MYT1L: variants seen among roughly 807,000 people sequenced by gnomAD.
MYT1L encodes myelin transcription factor 1 like.
A neutral mutation model predicts 126.7 loss-of-function variants in MYT1L; 12 were observed. The ratio of observed to expected loss-of-function variants is 0.09; its 90% CI spans 0.06 to 0.15. The LOEUF (loss-of-function observed/expected upper bound fraction) is 0.15, where lower values mean the gene tolerates loss of function less well. Ranked by LOEUF, MYT1L falls within the 10% of genes least tolerant of loss-of-function variation. The probability of loss-of-function intolerance (pLI) is 1.00; values close to 1 mark genes in which losing one functional copy is unlikely to be tolerated. For synonymous variants in MYT1L, 541 were observed against 604.2 expected (o/e 0.90, Z 1.53); for missense variants, 979 against 1,585.2 (o/e 0.62, Z 6.49).
At chr2:2,045,048 C>T (rs2068011913) in intron 4 of MYT1L, among the ~76,000 whole-genome samples, 1 of 152,136 alleles carries the variant, frequency 6.6e-6, no homozygotes, top group Non-Finnish European at 1.5e-5. Flanking sequence ...GGAGCAATGG[C>T]AGTTTAAGTG....
At chr2:2,164,094 C>T (rs989249556) in intron 3 of MYT1L, among the ~76,000 whole-genome samples, 6 of 152,056 alleles carry the variant, frequency 3.9e-5, no homozygotes, top group South Asian at 4.2e-4. Context: ...AAATAGTGTA[C>T]GTAATTTAGC....
chr2:2,097,097 C>A (rs1282702247), intron 3 of MYT1L, among the ~76,000 whole-genome samples: 1 of 152,174 alleles, frequency 6.6e-6, no homozygotes, highest in Non-Finnish European at 1.5e-5. Flanking sequence ...GCCTCCCTCC[C>A]CAGCCTCTTC....
intron 2 of MYT1L, among the ~76,000 whole-genome samples, chr2:2,264,751 C>A (rs149518222): frequency 6.6e-6 from 1 of 152,092 alleles, no homozygotes; most frequent in South Asian, 2.1e-4. Context: ...TGAGTCCAAG[C>A]GGCCACGAAT....
intron 23 of MYT1L, among the ~76,000 whole-genome samples, chr2:1,794,870 A>T (rs1245636502): frequency 1.3e-5 from 2 of 152,240 alleles, no homozygotes; most frequent in Non-Finnish European, 2.9e-5. Context: ...CAGTTTGAAC[A>T]AACATCCCAT....
intron 2 of MYT1L, among the ~76,000 whole-genome samples, chr2:2,195,189 A>G (rs559215680): frequency 1.5e-4 from 23 of 152,318 alleles, no homozygotes; most frequent in African/African-American, 5.3e-4. Context: ...ATTGATACCA[A>G]AGAGTTTCAT....
At chr2:1,972,126 A>G (rs1005715085) in intron 8 of MYT1L, among the ~76,000 whole-genome samples, 3 of 152,192 alleles carry the variant, frequency 2.0e-5, no homozygotes, top group Admixed American at 1.3e-4. Context: ...TTCATGGAGT[A>G]AAGCACAGAT....
chr2:1,988,790 A>C (rs2061247006), intron 5 of MYT1L, among the ~76,000 whole-genome samples: 2 of 152,134 alleles, frequency 1.3e-5, no homozygotes, highest in South Asian at 2.1e-4. Flanking sequence ...CAGCCTCCCA[A>C]AGTGCTGTGA....
intron 1 of MYT1L, among the ~76,000 whole-genome samples, chr2:2,307,935 T>C (rs146125977): frequency 6.6e-6 from 1 of 151,338 alleles, no homozygotes; most frequent in Non-Finnish European, 1.5e-5. Context: ...CTATACTTCA[T>C]GTACACTTCA....
At chr2:2,149,733 G>A (rs1250184599) in intron 3 of MYT1L, among the ~76,000 whole-genome samples, 5 of 152,180 alleles carry the variant, frequency 3.3e-5, no homozygotes, top group African/African-American at 4.8e-5. Flanking sequence ...AGAAGTTCCC[G>A]AGAGTGCATT....
intron 15 of MYT1L, among the ~76,000 whole-genome samples, chr2:1,890,666 C>G (rs1244539672): frequency 6.6e-6 from 1 of 151,960 alleles, no homozygotes; most frequent in East Asian, 1.9e-4. Context: ...ATCAGAATAC[C>G]CCTAACAATC....
intron 3 of MYT1L, among the ~76,000 whole-genome samples, chr2:2,106,771 C>T (rs1422137014): frequency 6.6e-6 from 1 of 152,176 alleles, no homozygotes; most frequent in East Asian, 1.9e-4. Flanking sequence ...AAAATGTAAG[C>T]ATTTGATGCA....
In MYT1L at chr2:2,184,871, AAG is replaced by A. The variant is rs774231828; in HGVS notation, c.-420-11885_-420-11884del. ...CCAGCTACCCAGAAAGGGACCCGCC[AAG>A]AGAGGCCGCAGCTCGGCACTTTAGC... On this transcript the variant is annotated intron_variant, in intron 2 of 24. Coordinates refer to ENST00000647738, the MANE Select transcript of MYT1L (RefSeq NM_001303052.2). Among the ~76,000 whole-genome samples the A allele has an allele frequency of 6.6e-5, 10 of 152,344 alleles. No homozygotes were observed. In the South Asian group the frequency reaches 8.3e-4, roughly 13 times the overall value.
intron 4 of MYT1L, among the ~76,000 whole-genome samples, chr2:2,004,304 T>C (rs371421277): frequency 0.017 from 2,046 of 120,534 alleles, 123 homozygotes; most frequent in Non-Finnish European, 0.028. Context: ...CTTTCCTGCA[T>C]GCGTTCTTTC....
intron 3 of MYT1L, among the ~76,000 whole-genome samples, chr2:2,092,019 G>T (rs946458944): frequency 1.3e-5 from 2 of 152,118 alleles, no homozygotes; most frequent in South Asian, 2.1e-4. Flanking sequence ...CAGCAATAAG[G>T]CTGGTTCCAT....
intron 22 of MYT1L, among the ~76,000 whole-genome samples, chr2:1,807,370 C>T (rs567350936): frequency 6.6e-6 from 1 of 152,166 alleles, no homozygotes; most frequent in African/African-American, 2.4e-5. Context: ...CCAGGGGCTT[C>T]ATGCCTGCAT....
intron 4 of MYT1L, among the ~76,000 whole-genome samples, chr2:2,005,248 G>GTTCTTTCCTGCATGCA (rs1466185052): frequency 4.3e-5 from 6 of 140,728 alleles, no homozygotes; most frequent in East Asian, 2.3e-4. Context: ...TCCTGCAGGC[G>GTTCTTTCCTGCATGCA]TTCTTTCCTG....
chr2:1,885,353 A>G (rs1383784669), intron 18 of MYT1L: 1 of 152,708 alleles, frequency 6.5e-6, no homozygotes, highest in East Asian at 1.9e-4. Context: ...TACAGACTTT[A>G]CAGCCGTTAG....
intron 2 of MYT1L, among the ~76,000 whole-genome samples, chr2:2,240,589 T>C (rs1158791041): frequency 6.6e-6 from 1 of 152,242 alleles, no homozygotes; most frequent in East Asian, 1.9e-4. Context: ...ATCCTTTGTC[T>C]AAGTCTCCCT....
At chr2:2,273,067 C>T (rs1390940430) in intron 2 of MYT1L, among the ~76,000 whole-genome samples, 1 of 152,154 alleles carries the variant, frequency 6.6e-6, no homozygotes, top group African/African-American at 2.4e-5. Context: ...CTTGCTGTCT[C>T]TCACGGAATC....
Sources: gnomAD v4.1 joint callset for allele counts (sites outside exome capture counted in the v4.1 genomes callset) on GRCh38, gnomAD v4.1.1 for gene constraint, MANE v1.5 for transcripts, NCBI Gene and HGNC (gene_info 2026-07-23, HGNC 2026-07-21) for gene names.